Variants in KCNC1 observed in about 807,000 individuals in gnomAD.
KCNC1 encodes the protein voltage-gated potassium channel KCNC1.
KCNC1 carries 8 observed loss-of-function variants against 43.4 expected under a neutral mutation model. That is an observed-to-expected ratio of 0.18 (90% CI 0.11 to 0.33). The LOEUF is 0.33. Ranked by LOEUF, KCNC1 falls within the 10% of genes least tolerant of loss-of-function variation. The pLI is 1.00. For synonymous variants in KCNC1, 361 were observed against 360.5 expected, an observed-to-expected ratio of 1.00 and a Z score of -0.01; for missense variants, 420 against 836.0, an observed-to-expected ratio of 0.50 and a Z score of 6.14.
chr11:17,753,777 G>T (rs778979472), intron 1 of KCNC1, among the ~76,000 whole-genome samples: 1 of 152,314 alleles, frequency 6.6e-6, no homozygotes, highest in South Asian at 2.1e-4. Context: ...ATCTCAAGAC[G>T]CTGGGAATAG....
intron 2 of KCNC1, 22 bp downstream of exon 2, chr11:17,772,620 T>A (rs1362696568): frequency 6.2e-7 from 1 of 1,606,636 alleles, no homozygotes; most frequent in South Asian, 1.1e-5. Flanking sequence ...CTTAGAGGCA[T>A]GTCGATCTGA....
At chr11:17,749,277 C>T (rs1178818153) in intron 1 of KCNC1, among the ~76,000 whole-genome samples, 3 of 152,234 alleles carry the variant, frequency 2.0e-5, no homozygotes, top group Admixed American at 6.5e-5. Context: ...AGCACTGGTG[C>T]GCACGTGATG....
intron 1 of KCNC1, among the ~76,000 whole-genome samples, chr11:17,763,629 C>T (rs1264595432): frequency 8.3e-5 from 3 of 36,204 alleles, no homozygotes; most frequent in Non-Finnish European, 2.3e-4. Flanking sequence ...TACACACCCA[C>T]ACACACACAC....
intron 1 of KCNC1, among the ~76,000 whole-genome samples, chr11:17,737,393 G>A (rs183036191): frequency 2.0e-3 from 299 of 152,270 alleles, no homozygotes; most frequent in African/African-American, 6.8e-3. Context: ...GAACCTGCAA[G>A]GAGAAGGTGT....
At chr11:17,738,544 T>C (rs908515630) in intron 1 of KCNC1, among the ~76,000 whole-genome samples, 2 of 152,006 alleles carry the variant, frequency 1.3e-5, no homozygotes, top group Admixed American at 6.5e-5. Context: ...CACTCAGTGT[T>C]GGGGCTCTGA....
intron 1 of KCNC1, among the ~76,000 whole-genome samples, chr11:17,749,867 T>C (rs1476823022): frequency 6.6e-6 from 1 of 152,214 alleles, no homozygotes; most frequent in African/African-American, 2.4e-5. Context: ...GTGTGCATAA[T>C]GGCATCACCA....
At chr11:17,749,429 C>T (rs1362071153) in intron 1 of KCNC1, among the ~76,000 whole-genome samples, 1 of 152,232 alleles carries the variant, frequency 6.6e-6, no homozygotes, top group Non-Finnish European at 1.5e-5. Context: ...TCGATGGGGA[C>T]CCAGCCTTGC....
intron 2 of KCNC1, among the ~76,000 whole-genome samples, chr11:17,778,031 A>T (rs188448519): frequency 6.6e-6 from 1 of 152,108 alleles, no homozygotes; most frequent in African/African-American, 2.4e-5. Context: ...GCCTCCCCTG[A>T]CGTGGTCGTG....
chr11:17,759,506 T>C (rs573877340), intron 1 of KCNC1, among the ~76,000 whole-genome samples: 53 of 152,344 alleles, frequency 3.5e-4, no homozygotes, highest in African/African-American at 1.2e-3. Flanking sequence ...TATCTCAGCT[T>C]TCGACATGCC....
Position 17,771,835 on chromosome 11 carries a change from C to T in KCNC1, c.741C>T (p.Tyr247=), listed in dbSNP as rs768887549. The change falls in exon 2 of 4, where the codon TAC becomes TAT. Residue 247 remains tyrosine, a synonymous_variant. Coordinates refer to ENST00000265969, the MANE Select transcript of KCNC1 (RefSeq NM_001112741.2). This position sits in a 1 kb window ranked among gnomAD's most constrained non-coding sequence, Gnocchi z 4.7. ...CCGAGACGGAGGCCTTCCTTACCTA[C>T]ATCGAGGGCGTCTGTGTGGTCTGGT... ...REAETEAFLT[Y]IEGVCVVWFT... is the part of the protein sequence containing the mutation. 6.2e-7 allele frequency: 1 copy of T among 1,614,206 alleles called. No homozygotes were observed. The highest frequency in any genetic ancestry group is 1.3e-5 in the African/African-American group (1 of 75,072).
At position 17,772,595 on chromosome 11, in the gene KCNC1, G is replaced by C. The variant is rs1286132223; in HGVS notation, c.1501G>C (p.Ala501Pro). The C allele has an allele frequency of 2.5e-6, 4 of 1,612,158 alleles. No individual in the cohort carries two copies. The highest frequency in any genetic ancestry group is 1.7e-5 in the Admixed American group (1 of 59,888). ...AQEEILEINR[A>P]DSKLNGEVAK... is the part of the protein sequence containing the mutation. ...GGAAGAAATTTTAGAAATTAACAGA[G>C]CAGGTAGGAAACCTCTTAGAGGCAT... The change falls in exon 2 of 4, where the codon GCA (alanine) becomes CCA (proline). Residue 501 changes from alanine (A) to proline (P), a missense_variant. By Grantham distance (27) the Ala-to-Pro change is conservative. Coordinates refer to ENST00000265969, the MANE Select transcript of KCNC1 (RefSeq NM_001112741.2).
At chr11:17,749,889 G>T (rs866686085) in intron 1 of KCNC1, among the ~76,000 whole-genome samples, 1 of 152,260 alleles carries the variant, frequency 6.6e-6, no homozygotes. Flanking sequence ...CTTCTCAGCG[G>T]TGTTAGGAGA....
chr11:17,750,000 G>A (rs1848947642), intron 1 of KCNC1, among the ~76,000 whole-genome samples: 1 of 152,238 alleles, frequency 6.6e-6, no homozygotes, highest in East Asian at 1.9e-4. Flanking sequence ...GGGAGTGTAG[G>A]GAGGGGACAG....
At position 17,776,811 on chromosome 11, in the gene KCNC1, G is replaced by A. The variant is rs1018608386; in HGVS notation, c.1505-2645G>A. ...GATTTATACAGTTGGCCCCTCGTTGGTTTCTCTTTCTTCAAGCCACCCCTC... is the reference window on the plus strand; with the variant it reads ...GATTTATACAGTTGGCCCCTCGTTGATTTCTCTTTCTTCAAGCCACCCCTC... On this transcript the variant is annotated intron_variant, in intron 2 of 3. Coordinates refer to ENST00000265969, the MANE Select transcript of KCNC1 (RefSeq NM_001112741.2). The surrounding 1 kb of genome is among the most constrained non-coding windows in gnomAD (Gnocchi z 4.4). 1.0e-6 allele frequency: 1 copy of A among 985,380 alleles called. No individual in the cohort carries two copies. Among genetic ancestry groups the A allele is most frequent in the African/African-American group, 1.7e-5 (1 of 57,216 alleles). 61.0% of individuals were successfully genotyped at this position (985,380 alleles called of 1,614,324 possible). A position where few individuals can be genotyped will look rare whatever the true frequency, so the allele number is the denominator to read the frequency against.
intron 2 of KCNC1, 131 bp downstream of exon 2, chr11:17,772,729 G>A: frequency 6.7e-7 from 1 of 1,502,904 alleles, no homozygotes; most frequent in Non-Finnish European, 8.8e-7. Context: ...GTCTGGAGGT[G>A]TGGAGCCTGG....
intron 1 of KCNC1, among the ~76,000 whole-genome samples, chr11:17,738,982 G>A (rs570781192): frequency 1.3e-5 from 2 of 152,328 alleles, no homozygotes; most frequent in African/African-American, 2.4e-5. Flanking sequence ...AAGGGCACTC[G>A]GGAGCTGAGG....
chr11:17,745,137 G>T (rs1371343813), intron 1 of KCNC1, among the ~76,000 whole-genome samples: 1 of 152,200 alleles, frequency 6.6e-6, no homozygotes, highest in Non-Finnish European at 1.5e-5. Context: ...AGTCTGAGAA[G>T]TGCTGATGCA....
At chr11:17,775,718 G>A in intron 2 of KCNC1, 2 of 985,786 alleles carry the variant, frequency 2.0e-6, no homozygotes, top group Non-Finnish European at 2.4e-6. Context: ...AGTCCTTTGT[G>A]GTGCCGCGTC....
In KCNC1 at chr11:17,771,700, C is replaced by T. The variant is rs757808689; in HGVS notation, c.606C>T (p.Val202=). 2 of 1,611,718 alleles carry T rather than the reference C, an allele frequency of 1.2e-6. No individual in the cohort carries two copies. Among genetic ancestry groups the T allele is most frequent in the South Asian group, 2.2e-5 (2 of 91,036 alleles). ...TCGCTTCCCTCTTCTTCATCCTGGT[C>T]TCCATCACCACCTTCTGCCTGGAGA... The part of the protein sequence containing the change: ...VAFASLFFIL[V]SITTFCLETH... Residue 202 remains valine, a synonymous_variant, in exon 2 of 4, where the codon GTC becomes GTT. Coordinates refer to ENST00000265969, the MANE Select transcript of KCNC1 (RefSeq NM_001112741.2). The surrounding 1 kb of genome is among the most constrained non-coding windows in gnomAD (Gnocchi z 4.7).
Sources: allele counts gnomAD v4.1 joint callset (sites outside exome capture counted in the v4.1 genomes callset), GRCh38; gene constraint gnomAD v4.1.1; non-coding constraint Gnocchi (gnomAD v3.1); transcripts MANE v1.5; gene names NCBI Gene and HGNC (gene_info 2026-07-23, HGNC 2026-07-21).